Variants in TUBGCP3 observed in about 807,000 individuals in gnomAD.
TUBGCP3 encodes gamma-tubulin complex component 3.
Under a neutral mutation model 123.1 loss-of-function variants are expected in TUBGCP3, and 50 were observed. That is an observed-to-expected ratio of 0.41 (90% CI 0.32 to 0.51). The LOEUF is 0.51. TUBGCP3 is among the 20% of genes least tolerant of loss of function. TUBGCP3 has a pLI of 0.36. For synonymous variants in TUBGCP3, 405 were observed against 413.9 expected, an observed-to-expected ratio of 0.98 and a Z score of 0.26; for missense variants, 882 against 1,127.0, an observed-to-expected ratio of 0.78 and a Z score of 3.11.
intron 11 of TUBGCP3, among the ~76,000 whole-genome samples, chr13:112,535,159 G>A (rs1454714108): frequency 6.6e-6 from 1 of 152,130 alleles, no homozygotes; most frequent in Non-Finnish European, 1.5e-5. Flanking sequence ...TCCATTGTAT[G>A]GATATACGTC....
chr13:112,573,267 T>C (rs1482459094), intron 1 of TUBGCP3, among the ~76,000 whole-genome samples: 1 of 151,318 alleles, frequency 6.6e-6, no homozygotes, highest in African/African-American at 2.4e-5. Flanking sequence ...ATTAAAAGTA[T>C]GAAGGCAGAT....
intron 11 of TUBGCP3, among the ~76,000 whole-genome samples, chr13:112,536,567 T>C (rs1878072005): frequency 6.6e-6 from 1 of 152,246 alleles, no homozygotes; most frequent in African/African-American, 2.4e-5. Flanking sequence ...TAAATGGAGT[T>C]ATTTTCTTAA....
intron 10 of TUBGCP3, 109 bp downstream of exon 10, chr13:112,547,511 G>C: frequency 7.5e-7 from 1 of 1,338,302 alleles, no homozygotes; most frequent in Non-Finnish European, 9.7e-7. Flanking sequence ...GACGCGCGTG[G>C]GAAAGACGCG....
In TUBGCP3 at chr13:112,508,340, G is replaced by A. The variant is rs1481927593; in HGVS notation, c.2087-3626C>T. ...CAAACAGCCTTCCAACAAACAAAGC[G>A]TCTAACTTCGTTAGAAGTTTTGACT... On this transcript the variant is annotated intron_variant, in intron 17 of 21. Coordinates refer to ENST00000261965, the MANE Select transcript of TUBGCP3 (RefSeq NM_006322.6). This position sits in a 1 kb window ranked among gnomAD's most constrained non-coding sequence, Gnocchi z 4.2. Among the ~76,000 whole-genome samples, 1 of 152,258 alleles carries A rather than the reference G, an allele frequency of 6.6e-6. No homozygotes were observed. Among genetic ancestry groups the A allele is most frequent in the Middle Eastern group, 3.4e-3 (1 of 294 alleles).
rs566706902 is a variant in TUBGCP3 at position 112,504,784 on chromosome 13, A to AC, written c.2087-71dup. 2,023 of 1,242,000 alleles carry AC rather than the reference A, an allele frequency of 1.6e-3. 1 individual carries two copies. Among genetic ancestry groups the AC allele is most frequent in the Non-Finnish European group, 2.1e-3 (1,820 of 854,192 alleles). 76.9% of individuals were successfully genotyped at this position (1,242,000 alleles called of 1,614,324 possible). On this transcript the variant is annotated intron_variant, in intron 17 of 21. Transcript: ENST00000261965. Reference sequence around the variant, plus strand: ...TACCGACAACGCGCTGTTCTCCCTTACCCACCTGCAAGCTATCTTAAAACA... The same window carrying AC: ...TACCGACAACGCGCTGTTCTCCCTTACCCCACCTGCAAGCTATCTTAAAACA...
intron 2 of TUBGCP3, among the ~76,000 whole-genome samples, chr13:112,567,279 G>A (rs938337820): frequency 2.0e-5 from 3 of 152,150 alleles, no homozygotes; most frequent in Non-Finnish European, 4.4e-5. Context: ...AGATTCCCTC[G>A]AATATCCACT....
chr13:112,581,675 G>A (rs934267707), intron 1 of TUBGCP3, among the ~76,000 whole-genome samples: 13 of 152,044 alleles, frequency 8.6e-5, no homozygotes, highest in Non-Finnish European at 1.2e-4. Flanking sequence ...CGAACTCCTG[G>A]GATCAAGCAA....
At chr13:112,538,619 C>T (rs2139137639) in intron 11 of TUBGCP3, among the ~76,000 whole-genome samples, 1 of 152,228 alleles carries the variant, frequency 6.6e-6, no homozygotes, top group Admixed American at 6.5e-5. Flanking sequence ...TTTTTAACTC[C>T]AGAATTTCTA....
At chr13:112,489,531 A>C in intron 21 of TUBGCP3, 50 bp downstream of exon 21, 1 of 1,304,700 alleles carries the variant, frequency 7.7e-7, no homozygotes, top group South Asian at 1.2e-5. Context: ...TGTCAGGTAC[A>C]GAACATGGGC....
At chr13:112,525,038 C>A (rs1876935596) in intron 13 of TUBGCP3, among the ~76,000 whole-genome samples, 1 of 152,178 alleles carries the variant, frequency 6.6e-6, no homozygotes. Context: ...AGAGCCAAGT[C>A]CTGTTAAGAG....
upstream of TUBGCP3, chr13:112,588,237 C>T: frequency 8.7e-6 from 3 of 343,038 alleles, no homozygotes; most frequent in Non-Finnish European, 1.6e-5. Flanking sequence ...CTGTCTGGTG[C>T]ATTCCCCCTG....
intron 3 of TUBGCP3, among the ~76,000 whole-genome samples, chr13:112,562,946 A>C (rs534498857): frequency 1.3e-5 from 2 of 152,258 alleles, no homozygotes; most frequent in East Asian, 3.9e-4. Context: ...TCAACAGGGC[A>C]CCACCTACCA....
chr13:112,602,526 A>C, the TUBGCP3 span, among the ~76,000 whole-genome samples: 6 of 152,272 alleles, frequency 3.9e-5, no homozygotes, highest in Non-Finnish European at 8.8e-5. Flanking sequence ...GATTTGAAAC[A>C]CATGAATGCC....
Position 112,508,911 on chromosome 13 carries a change from C to T in TUBGCP3, c.2087-4197G>A, listed in dbSNP as rs76902902. Among the ~76,000 whole-genome samples the T allele has an allele frequency of 2.0e-5, 3 of 152,114 alleles. No individual in the cohort carries two copies. Among genetic ancestry groups the T allele is most frequent in the Admixed American group, 2.0e-4 (3 of 15,276 alleles). ...ATCCATTCCCTTCCCTCCAGCCCCGCGGCTGCTGTAACCATAAAGGCCAAC... is the reference window on the plus strand; with the variant it reads ...ATCCATTCCCTTCCCTCCAGCCCCGTGGCTGCTGTAACCATAAAGGCCAAC... On this transcript the variant is annotated intron_variant, in intron 17 of 21. Coordinates refer to ENST00000261965, the MANE Select transcript of TUBGCP3 (RefSeq NM_006322.6). The surrounding 1 kb of genome is among the most constrained non-coding windows in gnomAD (Gnocchi z 4.2).
At chr13:112,497,455 T>A (rs1381494859) in intron 20 of TUBGCP3, among the ~76,000 whole-genome samples, 2 of 152,222 alleles carry the variant, frequency 1.3e-5, no homozygotes, top group Non-Finnish European at 2.9e-5. Flanking sequence ...TTGAGGACTC[T>A]CTAAGCTACA....
At chr13:112,580,477 C>A (rs761855473) in intron 1 of TUBGCP3, among the ~76,000 whole-genome samples, 7 of 151,836 alleles carry the variant, frequency 4.6e-5, no homozygotes, top group Non-Finnish European at 8.8e-5. Flanking sequence ...AAAAAAAATT[C>A]TAAGTCTGTC....
At chr13:112,496,359 G>T (rs1017259120) in intron 20 of TUBGCP3, among the ~76,000 whole-genome samples, 2 of 152,242 alleles carry the variant, frequency 1.3e-5, no homozygotes, top group Admixed American at 1.3e-4. Flanking sequence ...ACCAGGGGGT[G>T]CAGCAGGCGG....
chr13:112,524,829 G>C lies in TUBGCP3; in HGVS notation c.1555+2113C>G, dbSNP rs1324023192. Among the ~76,000 whole-genome samples, 1 of 152,178 alleles carries C rather than the reference G, an allele frequency of 6.6e-6. No homozygotes were observed. Among genetic ancestry groups the C allele is most frequent in the Non-Finnish European group, 1.5e-5 (1 of 68,030 alleles). On this transcript the variant is annotated intron_variant, in intron 13 of 21. Transcript: ENST00000261965. The surrounding 1 kb of genome is among the most constrained non-coding windows in gnomAD (Gnocchi z 4.4). ...GCCCTGACTTTTAACCAGAGTTTCAGTATAGCATTTCCAATACATGCTGGA... is the reference window on the plus strand; with the variant it reads ...GCCCTGACTTTTAACCAGAGTTTCACTATAGCATTTCCAATACATGCTGGA...
chr13:112,556,369 G>A (rs998628891), intron 5 of TUBGCP3, 145 bp from the exon 6 acceptor site: 13 of 803,052 alleles, frequency 1.6e-5, no homozygotes, highest in African/African-American at 1.0e-4. Flanking sequence ...TACCCTAACC[G>A]AATATATCAA....
Sources: gnomAD v4.1 joint callset for allele counts (sites outside exome capture counted in the v4.1 genomes callset) on GRCh38, gnomAD v4.1.1 for gene constraint, Gnocchi (gnomAD v3.1) non-coding constraint, MANE v1.5 for transcripts, NCBI Gene and HGNC (gene_info 2026-07-23, HGNC 2026-07-21) for gene names.